The following TTF2 variants were observed in gnomAD, a reference collection of about 807,000 sequenced individuals.
TTF2 encodes RNA polymerase II termination factor.
In TTF2, 108 loss-of-function variants were observed where a neutral mutation model predicts 142.4. The ratio of observed to expected loss-of-function variants is 0.76; its 90% CI spans 0.65 to 0.89. The LOEUF is 0.89. Among genes scored for constraint, TTF2 ranks in the 40% least tolerant of loss-of-function variants. The pLI is 0.00. For missense variants in TTF2, 1,327 were observed against 1,379.8 expected, an observed-to-expected ratio of 0.96 and a Z score of 0.61; for synonymous variants, 483 against 506.2, an observed-to-expected ratio of 0.95 and a Z score of 0.61.
At chr1:117,083,990 T>A (rs907510544) in intron 10 of TTF2, 28 bp from the exon 11 acceptor site, 1 of 1,613,156 alleles carries the variant, frequency 6.2e-7, no homozygotes. Flanking sequence ...TGAATGTAAC[T>A]AGGCACTGAT....
rs982306237 is a variant in TTF2 at position 117,070,799 on chromosome 1, G to A, written c.219-2862G>A. On this transcript the variant is annotated intron_variant, in intron 3 of 22. Coordinates refer to ENST00000369466, the MANE Select transcript of TTF2 (RefSeq NM_003594.4). The surrounding 1 kb of genome is among the most constrained non-coding windows in gnomAD (Gnocchi z 4.2). ...AAAATTGTGTTTGTACAAGAGGGAG[G>A]GGCTGGACCTATTTTCTTTTTAGCT... 6.6e-6 allele frequency among the ~76,000 whole-genome samples: 1 copy of A among 152,036 alleles called. No homozygotes were observed. The highest frequency in any genetic ancestry group is 2.4e-5 in the African/African-American group (1 of 41,378).
chr1:117,078,812 G>A (rs567664629), intron 8 of TTF2, among the ~76,000 whole-genome samples: 1 of 152,308 alleles, frequency 6.6e-6, no homozygotes, highest in East Asian at 1.9e-4. Flanking sequence ...TCTGGTCAAA[G>A]GGCTATTGAA....
chr1:117,077,777 A>C, intron 7 of TTF2, 139 bp from the exon 8 acceptor site: 5 of 1,181,884 alleles, frequency 4.2e-6, no homozygotes, highest in Non-Finnish European at 6.0e-6. Flanking sequence ...GAGAACTGCT[A>C]GAGACATGGA....
chr1:117,077,943 C>T lies in TTF2; in HGVS notation c.1601C>T (p.Ala534Val). 6.2e-7 allele frequency: 1 copy of T among 1,614,140 alleles called. No individual in the cohort carries two copies. ...RGHTNQDHVH[A>V]VWKITSEAIG... ...CATACAAACCAAGATCACGTTCATG[C>T]AGTGTGGAAAATCACAAGTGAAGCC... The change falls in exon 8 of 23, where the codon GCA (alanine) becomes GTA (valine). Residue 534 changes from alanine (A) to valine (V), a missense_variant. Transcript: ENST00000369466.
At chr1:117,064,159 G>A (rs1655901530) in intron 3 of TTF2, among the ~76,000 whole-genome samples, 1 of 152,178 alleles carries the variant, frequency 6.6e-6, no homozygotes, top group Admixed American at 6.5e-5. Flanking sequence ...TTAAAACTGA[G>A]TTGGTAGAGT....
chr1:117,065,122 T>C (rs1238633178), intron 3 of TTF2, among the ~76,000 whole-genome samples: 1 of 152,212 alleles, frequency 6.6e-6, no homozygotes, highest in African/African-American at 2.4e-5. Context: ...AGTGTGAGTC[T>C]TCTGACTTTA....
At chr1:117,062,252 A>G in intron 2 of TTF2, 135 bp from the exon 3 acceptor site, 1 of 705,414 alleles carries the variant, frequency 1.4e-6, no homozygotes, top group African/African-American at 1.8e-5. Context: ...AGCTGTGATA[A>G]TGTGTGGGAA....
At chr1:117,060,764 T>G (rs1057038560) in intron 2 of TTF2, among the ~76,000 whole-genome samples, 1 of 152,226 alleles carries the variant, frequency 6.6e-6, no homozygotes, top group Non-Finnish European at 1.5e-5. Context: ...GACCCGAGGC[T>G]GGTTACCCCC....
chr1:117,061,657 G>GAATTCAACATT (rs1553192486), intron 2 of TTF2, among the ~76,000 whole-genome samples: 4 of 152,134 alleles, frequency 2.6e-5, no homozygotes, highest in African/African-American at 9.7e-5. Flanking sequence ...ACCTTTGCAG[G>GAATTCAACATT]AATTCAACAT....
chr1:117,082,188 C>T (rs960697771), intron 10 of TTF2: 113 of 498,642 alleles, frequency 2.3e-4, no homozygotes, highest in Middle Eastern at 5.0e-4. Flanking sequence ...AAAGCTGAGG[C>T]TCTAGAACAC....
Position 117,086,644 on chromosome 1 carries a change from C to T in TTF2, c.2160+122C>T, listed in dbSNP as rs745606046. 8 of 669,434 alleles carry T rather than the reference C, an allele frequency of 1.2e-5. No homozygotes were observed. Among genetic ancestry groups the T allele is most frequent in the Non-Finnish European group, 1.9e-5 (7 of 374,782 alleles). The allele number at this position is 669,434 out of a possible 1,614,324, so 41.5% of individuals were successfully genotyped here. ...GAGGTCAGGAATGCTGTAAATGATC[C>T]GCATGTGGAAAGGAATTGTTCTTTC... On this transcript the variant is annotated intron_variant, in intron 12 of 22. Transcript: ENST00000369466. The surrounding 1 kb of genome is among the most constrained non-coding windows in gnomAD (Gnocchi z 4.2).
In TTF2 at chr1:117,066,695, C is replaced by CT. The variant is rs530588185; in HGVS notation, c.218+4245dup. ...ACATACAGCTTTGGACTAATCATGTCTTTTTTTTTTTTTTTTTTTTTTTAA... is the reference window on the plus strand; with the variant it reads ...ACATACAGCTTTGGACTAATCATGTCTTTTTTTTTTTTTTTTTTTTTTTTAA... On this transcript the variant is annotated intron_variant, in intron 3 of 22. Coordinates refer to ENST00000369466, the MANE Select transcript of TTF2 (RefSeq NM_003594.4). Among the ~76,000 whole-genome samples, 359 of 114,996 alleles carry CT rather than the reference C, an allele frequency of 3.1e-3. 4 individuals are homozygous for CT. Among genetic ancestry groups the CT allele is most frequent in the African/African-American group, 9.0e-3 (285 of 31,568 alleles). 75.4% of individuals were successfully genotyped at this position (114,996 alleles called of 152,430 possible).
rs1649025063 is a variant in TTF2, at chr1:117,095,370, A to G, written c.3035+3A>G. Reference sequence around the variant, plus strand: ...AGAAATTCAGCATCCCAAAAGAGGTAACTGCGTTTTCTCATTATCCAAGTA... The same window carrying G: ...AGAAATTCAGCATCCCAAAAGAGGTGACTGCGTTTTCTCATTATCCAAGTA... On this transcript the variant is annotated splice_donor_region_variant and intron_variant, in intron 19 of 22. Transcript: ENST00000369466. 5 of 1,613,876 alleles carry G rather than the reference A, an allele frequency of 3.1e-6. No homozygotes were observed. Among genetic ancestry groups the G allele is most frequent in the African/African-American group, 1.3e-5 (1 of 74,918 alleles).
At chr1:117,072,912 G>C (rs1238636286) in intron 3 of TTF2, among the ~76,000 whole-genome samples, 1 of 152,088 alleles carries the variant, frequency 6.6e-6, no homozygotes, top group Non-Finnish European at 1.5e-5. Context: ...ACTGCATCCA[G>C]CTGCACTCTT....
Position 117,092,938 on chromosome 1 carries a change from C to A in TTF2, c.2976+37C>A, listed in dbSNP as rs368541601. On this transcript the variant is annotated intron_variant, in intron 18 of 22. Coordinates refer to ENST00000369466, the MANE Select transcript of TTF2 (RefSeq NM_003594.4). The surrounding 1 kb of genome is among the most constrained non-coding windows in gnomAD (Gnocchi z 4.4). ...CTCCTCTGTAGTAGTCGAGAGACTT[C>A]GATTCCTCACACATTTTCCTGTGTG... is the stretch of plus-strand genomic sequence containing the variant. 2.4e-5 allele frequency: 39 copies of A among 1,607,332 alleles called. No homozygotes were observed. In the Admixed American group the frequency reaches 4.2e-4, roughly 17 times the overall value.
Position 117,076,219 on chromosome 1 carries a change from A to G in TTF2, c.1315A>G (p.Lys439Glu), listed in dbSNP as rs1387677461. 5.0e-6 allele frequency: 8 copies of G among 1,613,848 alleles called. No individual in the cohort carries two copies. Among genetic ancestry groups the G allele is most frequent in the Admixed American group, 3.3e-5 (2 of 60,006 alleles). The change falls in exon 6 of 23, where the codon AAG becomes GAG. Residue 439 changes from lysine (K) to glutamate (E), a missense_variant. Transcript: ENST00000369466. This position sits in a 1 kb window ranked among gnomAD's most constrained non-coding sequence, Gnocchi z 4.6. ...ASVNIQALPD[K>E]GQKLIKQIQE... ...AGTGAACATCCAGGCTCTTCCAGAC[A>G]AGGGTCAGAAGTTGATCAAACAAAT...
At chr1:117,077,239 T>G (rs983299902) in intron 7 of TTF2, among the ~76,000 whole-genome samples, 4 of 152,082 alleles carry the variant, frequency 2.6e-5, no homozygotes, top group Non-Finnish European at 5.9e-5. Flanking sequence ...TGTGCCCACA[T>G]GAGGGGAGAA....
At position 117,098,865 on chromosome 1, in the gene TTF2, G is replaced by A. The variant is rs780363000; in HGVS notation, c.3302G>A (p.Arg1101Gln). ...NPSLEDQACD[R>Q]IYRVGQQKDV... ...TCACTTGAAGATCAAGCTTGTGACC[G>A]AATTTACCGAGTAGGGCAGCAGAAA... Residue 1101 changes from arginine (R) to glutamine (Q), a missense_variant, in exon 22 of 23, where the codon CGA (arginine) becomes CAA (glutamine). Coordinates refer to ENST00000369466, the MANE Select transcript of TTF2 (RefSeq NM_003594.4). The A allele has an allele frequency of 6.8e-6, 11 of 1,612,242 alleles. No homozygotes were observed. The highest frequency in any genetic ancestry group is 6.7e-5 in the East Asian group (3 of 44,784).
rs372477649 is a variant in TTF2 at position 117,060,373 on chromosome 1, C to T, written c.27C>T (p.His9=). 58 of 1,606,208 alleles carry T rather than the reference C, an allele frequency of 3.6e-5. No individual in the cohort carries two copies. The highest frequency in any genetic ancestry group is 4.7e-5 in the Non-Finnish European group (55 of 1,175,800). MEEVRCPE[H]GTFCFLKTGV... is the part of the protein sequence containing the mutation. Reference sequence around the variant, plus strand: ...TGGAAGAAGTTAGGTGTCCAGAGCACGGTAAGGGGCTAGGGTCTCAGCGTC... The same window carrying T: ...TGGAAGAAGTTAGGTGTCCAGAGCATGGTAAGGGGCTAGGGTCTCAGCGTC... The change falls in exon 1 of 23, where the codon CAC becomes CAT. Residue 9 remains histidine (H), a splice_region_variant and synonymous_variant. Coordinates refer to ENST00000369466, the MANE Select transcript of TTF2 (RefSeq NM_003594.4).
Sources: allele counts gnomAD v4.1 joint callset (sites outside exome capture counted in the v4.1 genomes callset), GRCh38; gene constraint gnomAD v4.1.1; non-coding constraint Gnocchi (gnomAD v3.1); transcripts MANE v1.5; gene names NCBI Gene and HGNC (gene_info 2026-07-23, HGNC 2026-07-21).